Variants in TMTC2 observed in about 807,000 individuals in gnomAD.
TMTC2 encodes the protein protein O-mannosyl-transferase TMTC2.
In TMTC2, 43 loss-of-function variants were observed where a neutral mutation model predicts 82.4. That is an observed-to-expected ratio of 0.52 (90% CI 0.41 to 0.67). TMTC2 has a LOEUF of 0.67. TMTC2 is among the 30% of genes least tolerant of loss of function. The pLI, the probability that TMTC2 is intolerant of heterozygous loss-of-function variation, is 0.00. For synonymous variants in TMTC2, 408 were observed against 381.9 expected (o/e 1.07, Z -0.80); for missense variants, 919 against 1,012.4 (o/e 0.91, Z 1.25).
intron 1 of TMTC2, among the ~76,000 whole-genome samples, chr12:82,799,206 C>T (rs1878875585): frequency 6.6e-6 from 1 of 152,094 alleles, no homozygotes; most frequent in Non-Finnish European, 1.5e-5. Flanking sequence ...AAAATGTACT[C>T]AGTCCTGCAG....
At chr12:83,008,320 A>G (rs938808481) in intron 8 of TMTC2, among the ~76,000 whole-genome samples, 1 of 152,076 alleles carries the variant, frequency 6.6e-6, no homozygotes, top group Admixed American at 6.6e-5. Flanking sequence ...AATTGCCCAT[A>G]TGTCACATAT....
chr12:83,104,783 CCA>C (rs1302504893), intron 11 of TMTC2, among the ~76,000 whole-genome samples: 4 of 152,166 alleles, frequency 2.6e-5, no homozygotes, highest in Admixed American at 2.0e-4. Context: ...AGTGGTTGCT[CCA>C]CAGTCTGCTT....
At chr12:82,996,086 C>T (rs1879604104) in intron 8 of TMTC2, among the ~76,000 whole-genome samples, 1 of 151,988 alleles carries the variant, frequency 6.6e-6, no homozygotes, top group African/African-American at 2.4e-5. Flanking sequence ...TAATACAGTT[C>T]TGAAAGGAAA....
chr12:82,721,750 C>A (rs1874217183), intron 1 of TMTC2, among the ~76,000 whole-genome samples: 1 of 152,166 alleles, frequency 6.6e-6, no homozygotes, highest in African/African-American at 2.4e-5. Context: ...CTTGCCCTGA[C>A]TAAATTTCTG....
intron 3 of TMTC2, among the ~76,000 whole-genome samples, chr12:82,902,702 A>G (rs561180900): frequency 6.6e-5 from 10 of 152,226 alleles, no homozygotes; most frequent in African/African-American, 2.4e-4. Context: ...TTGAAGGCAC[A>G]TAACAGTGGC....
chr12:82,791,061 T>C (rs764252853), intron 1 of TMTC2, among the ~76,000 whole-genome samples: 1 of 152,036 alleles, frequency 6.6e-6, no homozygotes, highest in Admixed American at 6.6e-5. Context: ...ATGCTTCTCC[T>C]TTCTGCTTTT....
chr12:82,745,271 A>G (rs1875627505), intron 1 of TMTC2, among the ~76,000 whole-genome samples: 1 of 152,078 alleles, frequency 6.6e-6, no homozygotes, highest in African/African-American at 2.4e-5. Context: ...TGTTCTGGAG[A>G]TGGACAGATA....
chr12:82,854,776 T>C (rs1429910393), intron 1 of TMTC2, among the ~76,000 whole-genome samples: 1 of 152,210 alleles, frequency 6.6e-6, no homozygotes, highest in Non-Finnish European at 1.5e-5. Flanking sequence ...AACTAGTTCT[T>C]ATTAGTAGAT....
intron 1 of TMTC2, among the ~76,000 whole-genome samples, chr12:82,843,894 G>A (rs1404734405): frequency 1.3e-5 from 2 of 152,178 alleles, no homozygotes; most frequent in African/African-American, 4.8e-5. Context: ...GATGCAGTGA[G>A]CCATGATCAC....
intron 2 of TMTC2, among the ~76,000 whole-genome samples, chr12:82,880,626 C>A (rs1872775062): frequency 2.0e-5 from 3 of 152,182 alleles, no homozygotes; most frequent in Admixed American, 6.5e-5. Context: ...CTGGCAAAAA[C>A]TTTTTGCTTG....
rs1176146498 is a variant in TMTC2 at position 82,862,259 on chromosome 12, T to C, written c.654+4679T>C. Among the ~76,000 whole-genome samples the C allele has an allele frequency of 2.0e-5, 3 of 152,188 alleles. No individual in the cohort carries two copies. In the East Asian group the frequency reaches 5.8e-4, roughly 29 times the overall value. On this transcript the variant is annotated intron_variant, in intron 2 of 11. Coordinates refer to ENST00000321196, the MANE Select transcript of TMTC2 (RefSeq NM_152588.3). ...CTCATGACCCCAGGAAGTACATGGGTAATAAAATCAGTAAAAGCAACATTT... is the reference window on the plus strand; with the variant it reads ...CTCATGACCCCAGGAAGTACATGGGCAATAAAATCAGTAAAAGCAACATTT...
intron 2 of TMTC2, among the ~76,000 whole-genome samples, chr12:82,878,446 G>A (rs1872682914): frequency 6.6e-6 from 1 of 152,182 alleles, no homozygotes; most frequent in Non-Finnish European, 1.5e-5. Flanking sequence ...AATTGTTGTT[G>A]CAAGTCTTGC....
intron 1 of TMTC2, among the ~76,000 whole-genome samples, chr12:82,819,039 C>A (rs1271662889): frequency 6.6e-6 from 1 of 151,738 alleles, no homozygotes. Flanking sequence ...AATAATTAGT[C>A]CAGTGGGAAT....
At chr12:82,834,717 G>A (rs73358267) in intron 1 of TMTC2, among the ~76,000 whole-genome samples, 2,579 of 152,114 alleles carry the variant, frequency 0.017, 79 homozygotes, top group African/African-American at 0.059. Context: ...CTTATTTTAA[G>A]GTATCTTTCC....
chr12:83,117,795 G>A (rs1462094932), intron 11 of TMTC2, among the ~76,000 whole-genome samples: 2 of 152,070 alleles, frequency 1.3e-5, no homozygotes, highest in South Asian at 2.1e-4. Flanking sequence ...AGCATGAGAC[G>A]TATTTCCATT....
intron 3 of TMTC2, among the ~76,000 whole-genome samples, chr12:82,915,932 G>T (rs1334217437): frequency 6.6e-6 from 1 of 152,174 alleles, no homozygotes; most frequent in Non-Finnish European, 1.5e-5. Context: ...GCAACTCAAC[G>T]TCTGTCATCC....
chr12:82,919,576 A>T lies in TMTC2; in HGVS notation c.1484-10855A>T, dbSNP rs540095302. Among the ~76,000 whole-genome samples, 9 of 152,296 alleles carry T rather than the reference A, an allele frequency of 5.9e-5. 1 individual carries two copies. The highest frequency in any genetic ancestry group is 2.2e-4 in the African/African-American group (9 of 41,560). ...TCAAGGCATGATCTGTATAGAGGCAAATTCCTTCCAGATGTGAGCCTGTAA... is the reference window on the plus strand; with the variant it reads ...TCAAGGCATGATCTGTATAGAGGCATATTCCTTCCAGATGTGAGCCTGTAA... On this transcript the variant is annotated intron_variant, in intron 3 of 11. Coordinates refer to ENST00000321196, the MANE Select transcript of TMTC2 (RefSeq NM_152588.3).
chr12:82,853,490 TGTA>T (rs1871094549), intron 1 of TMTC2, among the ~76,000 whole-genome samples: 1 of 152,204 alleles, frequency 6.6e-6, no homozygotes, highest in African/African-American at 2.4e-5. Context: ...GGTCTTTGGA[TGTA>T]GTATATCTCG....
chr12:82,903,513 G>A (rs1381610838), intron 3 of TMTC2, among the ~76,000 whole-genome samples: 1 of 152,180 alleles, frequency 6.6e-6, no homozygotes, highest in East Asian at 1.9e-4. Context: ...CCAGGTTCAC[G>A]CCATTCTCCT....
Sources: allele counts gnomAD v4.1 joint callset (sites outside exome capture counted in the v4.1 genomes callset), GRCh38; gene constraint gnomAD v4.1.1; transcripts MANE v1.5; gene names NCBI Gene and HGNC (gene_info 2026-07-23, HGNC 2026-07-21).